Variants in CNTNAP2 observed in about 807,000 individuals in gnomAD.
The protein encoded by CNTNAP2 is contactin-associated protein-like 2.
In CNTNAP2, 98 loss-of-function variants were observed where a neutral mutation model predicts 155.2. The ratio of observed to expected loss-of-function variants is 0.63; its 90% confidence interval spans 0.54 to 0.75. The LOEUF (loss-of-function observed/expected upper bound fraction) is 0.75, where lower values mean the gene tolerates loss of function less well. CNTNAP2 is among the 30% of genes least tolerant of loss of function. CNTNAP2 has a pLI of 0.00. For synonymous variants in CNTNAP2, 651 were observed against 631.2 expected, an observed-to-expected ratio of 1.03 and a Z score of -0.47; for missense variants, 1,727 against 1,688.1, an observed-to-expected ratio of 1.02 and a Z score of -0.40.
At chr7:146,853,888 A>G (rs560774264) in intron 3 of CNTNAP2, among the ~76,000 whole-genome samples, 1 of 152,330 alleles carries the variant, frequency 6.6e-6, no homozygotes, top group East Asian at 1.9e-4. Flanking sequence ...TAGGTTTACA[A>G]TTTATAAACA....
At chr7:148,033,297 C>T (rs955489774) in intron 15 of CNTNAP2, among the ~76,000 whole-genome samples, 1 of 152,010 alleles carries the variant, frequency 6.6e-6, no homozygotes, top group African/African-American at 2.4e-5. Context: ...CTTCCTCCTA[C>T]TCCACCCCCA....
At chr7:148,252,291 G>A (rs964324579) in intron 20 of CNTNAP2, among the ~76,000 whole-genome samples, 2 of 152,136 alleles carry the variant, frequency 1.3e-5, no homozygotes, top group Non-Finnish European at 2.9e-5. Flanking sequence ...CAGACACACC[G>A]ACATGTGCTT....
intron 15 of CNTNAP2, among the ~76,000 whole-genome samples, chr7:148,091,040 GT>G (rs1434675451): frequency 1.3e-5 from 2 of 152,096 alleles, no homozygotes; most frequent in Non-Finnish European, 1.5e-5. Context: ...GGAACAAAGA[GT>G]AAAATAGTGG....
chr7:147,041,642 C>T (rs1394189830), intron 3 of CNTNAP2, among the ~76,000 whole-genome samples: 3 of 152,186 alleles, frequency 2.0e-5, no homozygotes, highest in South Asian at 4.1e-4. Flanking sequence ...TAATGCACTT[C>T]CATAGTTCCT....
chr7:148,258,973 C>G (rs1796506046), intron 20 of CNTNAP2, among the ~76,000 whole-genome samples: 1 of 151,624 alleles, frequency 6.6e-6, no homozygotes, highest in Non-Finnish European at 1.5e-5. Flanking sequence ...GTCAGGAGTT[C>G]AAGACCAGCC....
At chr7:146,455,761 A>C (rs1431032689) in intron 1 of CNTNAP2, among the ~76,000 whole-genome samples, 1 of 152,220 alleles carries the variant, frequency 6.6e-6, no homozygotes, top group East Asian at 1.9e-4. Context: ...AGGTAGCTGC[A>C]TATTTTAATA....
intron 2 of CNTNAP2, among the ~76,000 whole-genome samples, chr7:146,800,446 A>G (rs1376726491): frequency 1.3e-5 from 2 of 152,246 alleles, no homozygotes; most frequent in African/African-American, 2.4e-5. Flanking sequence ...TTATCTCTCT[A>G]GAACCAAAGT....
intron 3 of CNTNAP2, among the ~76,000 whole-genome samples, chr7:146,947,420 A>C (rs1441263613): frequency 2.6e-4 from 37 of 140,126 alleles, no homozygotes; most frequent in Middle Eastern, 3.7e-3. Flanking sequence ...CTATATATAT[A>C]TATATATATA....
chr7:146,452,613 C>T (rs138243221), intron 1 of CNTNAP2, among the ~76,000 whole-genome samples: 1 of 152,292 alleles, frequency 6.6e-6, no homozygotes, highest in African/African-American at 2.4e-5. Context: ...CGCCTTTATA[C>T]AGTTATTACT....
At position 146,832,870 on chromosome 7, in the gene CNTNAP2, A is replaced by G. The variant is rs546210574; in HGVS notation, c.209-6841A>G. Among the ~76,000 whole-genome samples the G allele has an allele frequency of 7.9e-5, 12 of 151,822 alleles. No individual in the cohort carries two copies. In the South Asian group the frequency reaches 2.1e-3, roughly 26 times the overall value. Reference sequence around the variant, plus strand: ...GCCACCACGCCTGGCAAATTTTTGTATATTTTTTTAGTAGAGATGGGGTTG... The same window carrying G: ...GCCACCACGCCTGGCAAATTTTTGTGTATTTTTTTAGTAGAGATGGGGTTG... On this transcript the variant is annotated intron_variant, in intron 2 of 23. Transcript: ENST00000361727.
intron 13 of CNTNAP2, among the ~76,000 whole-genome samples, chr7:147,681,416 A>G (rs1795946675): frequency 6.6e-6 from 1 of 151,906 alleles, no homozygotes; most frequent in South Asian, 2.1e-4. Context: ...TGAGGAACCT[A>G]AAAGCACACC....
At chr7:147,585,128 G>A (rs576065260) in intron 12 of CNTNAP2, among the ~76,000 whole-genome samples, 1 of 152,222 alleles carries the variant, frequency 6.6e-6, no homozygotes, top group South Asian at 2.1e-4. Context: ...AATTCCCGTG[G>A]CTTGACCTAA....
At chr7:147,450,444 T>C (rs1160174962) in intron 10 of CNTNAP2, among the ~76,000 whole-genome samples, 2 of 152,180 alleles carry the variant, frequency 1.3e-5, no homozygotes, top group African/African-American at 2.4e-5. Context: ...CTAACCAACC[T>C]TGATTTCAGC....
chr7:146,711,428 T>C (rs1338086769), intron 1 of CNTNAP2, among the ~76,000 whole-genome samples: 2 of 147,598 alleles, frequency 1.4e-5, no homozygotes, highest in Non-Finnish European at 3.0e-5. Context: ...ATATAATATA[T>C]ACTATATAGG....
chr7:146,845,799 T>G (rs1236832264), intron 3 of CNTNAP2, among the ~76,000 whole-genome samples: 4 of 152,330 alleles, frequency 2.6e-5, no homozygotes, highest in African/African-American at 9.6e-5. Flanking sequence ...GCTGGGTCAG[T>G]GAGGCATGAC....
chr7:147,896,814 C>T (rs1799784295), intron 13 of CNTNAP2, among the ~76,000 whole-genome samples: 1 of 152,140 alleles, frequency 6.6e-6, no homozygotes, highest in African/African-American at 2.4e-5. Context: ...ATCTAGTCAC[C>T]AGGCAAGAAG....
At chr7:146,193,513 G>A (rs558801359) in intron 1 of CNTNAP2, among the ~76,000 whole-genome samples, 63 of 152,324 alleles carry the variant, frequency 4.1e-4, no homozygotes, top group Admixed American at 1.5e-3. Flanking sequence ...AGCCACAGCC[G>A]AAGTTGTACC....
Position 146,616,233 on chromosome 7 carries a change from G to A in CNTNAP2, c.98-158038G>A, listed in dbSNP as rs191376649. Among the ~76,000 whole-genome samples the A allele has an allele frequency of 1.1e-4, 17 of 152,244 alleles. No individual in the cohort carries two copies. In the East Asian group the frequency reaches 2.7e-3, roughly 24 times the overall value. Reference sequence around the variant, plus strand: ...GGGAGCAGAAATGAGTAAAATGTGAGCAAAGCAAAGGATCACGGTGAGGGG... The same window carrying A: ...GGGAGCAGAAATGAGTAAAATGTGAACAAAGCAAAGGATCACGGTGAGGGG... On this transcript the variant is annotated intron_variant, in intron 1 of 23. Coordinates refer to ENST00000361727, the MANE Select transcript of CNTNAP2 (RefSeq NM_014141.6).
chr7:147,088,988 GAGAC>G (rs1800341041), intron 4 of CNTNAP2, among the ~76,000 whole-genome samples: 1 of 150,662 alleles, frequency 6.6e-6, no homozygotes, highest in African/African-American at 2.5e-5. Context: ...GAGAGAAAGA[GAGAC>G]AGAGAGATAG....
Sources: gnomAD v4.1 joint callset for allele counts (sites outside exome capture counted in the v4.1 genomes callset) on GRCh38, gnomAD v4.1.1 for gene constraint, MANE v1.5 for transcripts, NCBI Gene and HGNC (gene_info 2026-07-23, HGNC 2026-07-21) for gene names.